Variants in SYT10 observed in about 807,000 individuals in gnomAD.
SYT10 encodes synaptotagmin-10.
Under a neutral mutation model 51.1 loss-of-function variants are expected in SYT10, and 31 were observed. The observed-to-expected ratio is 0.61, with a 90% CI of 0.46 to 0.82. The LOEUF (loss-of-function observed/expected upper bound fraction) is 0.82. SYT10 is among the 40% of genes least tolerant of loss of function. The pLI, the probability that SYT10 is intolerant of heterozygous loss-of-function variation, is 0.00. For missense variants in SYT10, 603 were observed against 634.0 expected, an observed-to-expected ratio of 0.95 and a Z score of 0.53; for synonymous variants, 233 against 225.9, an observed-to-expected ratio of 1.03 and a Z score of -0.28.
chr12:33,437,550 C>CT (rs1482401502), intron 1 of SYT10, among the ~76,000 whole-genome samples: 1 of 152,176 alleles, frequency 6.6e-6, no homozygotes, highest in Non-Finnish European at 1.5e-5. Flanking sequence ...ACCAGCCAGT[C>CT]TGAGACCCGG....
At position 33,376,824 on chromosome 12, in the gene SYT10, G is replaced by C; in HGVS notation, c.*6C>G. On this transcript the variant is annotated 3_prime_UTR_variant, in exon 7 of 7. Coordinates refer to ENST00000228567, the MANE Select transcript of SYT10 (RefSeq NM_198992.4). ...TGCTTAATATCATGGTCTCATTTTG[G>C]AGGCATTATGGTGTGGAAGGTGGTT... 4 of 1,613,956 alleles carry C rather than the reference G, an allele frequency of 2.5e-6. No individual in the cohort carries two copies. The highest frequency in any genetic ancestry group is 3.4e-6 in the Non-Finnish European group (4 of 1,179,926).
chr12:33,434,881 AAAC>A (rs1247340350), intron 1 of SYT10, among the ~76,000 whole-genome samples: 1 of 152,222 alleles, frequency 6.6e-6, no homozygotes, highest in Non-Finnish European at 1.5e-5. Flanking sequence ...ACTGAAGATA[AAAC>A]AATAAACAAG....
chr12:33,390,658 A>G (rs576746788), intron 3 of SYT10, among the ~76,000 whole-genome samples: 34 of 152,050 alleles, frequency 2.2e-4, no homozygotes, highest in African/African-American at 8.2e-4. Context: ...GTACATATGT[A>G]TGTGTATACA....
At chr12:33,378,914 ATAAAG>A (rs960017122) in intron 6 of SYT10, among the ~76,000 whole-genome samples, 13 of 152,144 alleles carry the variant, frequency 8.5e-5, no homozygotes, top group Admixed American at 3.3e-4. Context: ...ATGAAGTCAG[ATAAAG>A]ACTTGACGCA....
At position 33,375,565 on chromosome 12, in the gene SYT10, A is replaced by T. The variant is rs1311186944; in HGVS notation, c.*1265T>A. 1 of 152,054 alleles carries T rather than the reference A, an allele frequency of 6.6e-6. No individual in the cohort carries two copies. The highest frequency in any genetic ancestry group is 6.6e-5 in the Admixed American group (1 of 15,244). 9.4% of individuals were successfully genotyped at this position (152,054 alleles called of 1,614,324 possible). On this transcript the variant is annotated 3_prime_UTR_variant, in exon 7 of 7. Coordinates refer to ENST00000228567, the MANE Select transcript of SYT10 (RefSeq NM_198992.4). ...GACAAAATATGTTGACCTGACTTAA[A>T]AGAAAGTTCTGTCTTGTAAAAACAC...
intron 2 of SYT10, among the ~76,000 whole-genome samples, chr12:33,411,279 T>G (rs918558205): frequency 1.3e-4 from 20 of 151,568 alleles, no homozygotes; most frequent in African/African-American, 4.4e-4. Context: ...ACTTAAATAT[T>G]ATATATAACA....
At position 33,439,793 on chromosome 12, in the gene SYT10, G is replaced by T. The variant is rs1592001946; in HGVS notation, c.-271C>A. 2 of 468,692 alleles carry T rather than the reference G, an allele frequency of 4.3e-6. No individual in the cohort carries two copies. Among genetic ancestry groups the T allele is most frequent in the Non-Finnish European group, 7.6e-6 (2 of 262,562 alleles). The allele number at this position is 468,692 out of a possible 1,614,324, so 29.0% of individuals were successfully genotyped here. A position where few individuals can be genotyped will look rare whatever the true frequency, so the allele number is the denominator to read the frequency against. ...CCGCCGCGCGAGCGAGCCGAGGCGC[G>T]CTGGAACTAGAGACCCGGCATGGAG... On this transcript the variant is annotated 5_prime_UTR_variant, in exon 1 of 7. Coordinates refer to ENST00000228567, the MANE Select transcript of SYT10 (RefSeq NM_198992.4).
At chr12:33,434,896 C>A (rs554091552) in intron 1 of SYT10, among the ~76,000 whole-genome samples, 1 of 152,208 alleles carries the variant, frequency 6.6e-6, no homozygotes, top group Non-Finnish European at 1.5e-5. Context: ...ATAAACAAGC[C>A]CCTGACCTCA....
At chr12:33,388,777 T>C (rs1279803158) in intron 3 of SYT10, among the ~76,000 whole-genome samples, 1 of 152,194 alleles carries the variant, frequency 6.6e-6, no homozygotes, top group Non-Finnish European at 1.5e-5. Flanking sequence ...TTTTTGATGA[T>C]TGGCTATAGT....
chr12:33,403,664 TTTTA>T (rs1268468291), intron 3 of SYT10, among the ~76,000 whole-genome samples: 2 of 152,216 alleles, frequency 1.3e-5, no homozygotes, highest in Admixed American at 1.3e-4. Flanking sequence ...CTGCATTTCT[TTTTA>T]TTTATTTCCT....
chr12:33,390,421 T>A (rs1866193882), intron 3 of SYT10, among the ~76,000 whole-genome samples: 1 of 152,182 alleles, frequency 6.6e-6, no homozygotes, highest in Non-Finnish European at 1.5e-5. Flanking sequence ...TTATCTGATG[T>A]GTGGTGGACA....
intron 3 of SYT10, among the ~76,000 whole-genome samples, chr12:33,396,547 A>G (rs1335645553): frequency 1.3e-5 from 2 of 152,142 alleles, no homozygotes; most frequent in Admixed American, 6.6e-5. Flanking sequence ...GAACATAAAA[A>G]TATGTTTTGG....
chr12:33,379,146 A>C (rs1866091530), intron 6 of SYT10, among the ~76,000 whole-genome samples: 1 of 152,132 alleles, frequency 6.6e-6, no homozygotes, highest in Admixed American at 6.6e-5. Context: ...GTGCCAGAAC[A>C]AGAAGCACTA....
At chr12:33,428,624 C>T (rs1866571146) in intron 1 of SYT10, among the ~76,000 whole-genome samples, 1 of 152,058 alleles carries the variant, frequency 6.6e-6, no homozygotes, top group Non-Finnish European at 1.5e-5. Flanking sequence ...AAACGACTGG[C>T]GGCCAGGCGC....
chr12:33,438,033 T>C (rs1866652000), intron 1 of SYT10, among the ~76,000 whole-genome samples: 2 of 152,090 alleles, frequency 1.3e-5, no homozygotes, highest in African/African-American at 4.8e-5. Context: ...CACGTTGCCG[T>C]GGATCAGAGA....
rs917729977 is a variant in SYT10, at chr12:33,390,922, G to GTTT, written c.1078-5634_1078-5632dup. On this transcript the variant is annotated intron_variant, in intron 3 of 6. Transcript: ENST00000228567. ...ACAGGTCTGCATAATGTTAAATTAC[G>GTTT]TTTTTTTTTGTTGTTGTTGTTGTTT... 1.1e-4 allele frequency among the ~76,000 whole-genome samples: 16 copies of GTTT among 150,604 alleles called. No homozygotes were observed. In the South Asian group the frequency reaches 1.9e-3, roughly 18 times the overall value.
intron 3 of SYT10, among the ~76,000 whole-genome samples, chr12:33,402,596 T>C (rs1866316091): frequency 6.6e-6 from 1 of 152,226 alleles, no homozygotes; most frequent in South Asian, 2.1e-4. Flanking sequence ...TTACCAGTCT[T>C]TCTTTCAATT....
chr12:33,396,715 C>T lies in SYT10; in HGVS notation c.1077+10074G>A, dbSNP rs562435730. 2.2e-3 allele frequency among the ~76,000 whole-genome samples: 333 copies of T among 149,622 alleles called. 1 individual carries two copies. The highest frequency in any genetic ancestry group is 3.4e-3 in the African/African-American group (139 of 40,688). ...TTTTTTTTTTTTTGAGATGGAGTCT[C>T]GCTCTGTCGCCAGGCTGGAGTGCAG... On this transcript the variant is annotated intron_variant, in intron 3 of 6. Coordinates refer to ENST00000228567, the MANE Select transcript of SYT10 (RefSeq NM_198992.4).
intron 2 of SYT10, among the ~76,000 whole-genome samples, chr12:33,414,009 A>G (rs1866431619): frequency 6.6e-6 from 1 of 152,126 alleles, no homozygotes; most frequent in African/African-American, 2.4e-5. Flanking sequence ...CAAATGGAAA[A>G]CAAAAAAAGG....
Sources: allele counts gnomAD v4.1 joint callset (sites outside exome capture counted in the v4.1 genomes callset), GRCh38; gene constraint gnomAD v4.1.1; transcripts MANE v1.5; gene names NCBI Gene and HGNC (gene_info 2026-07-23, HGNC 2026-07-21).